PRORP: variants seen among roughly 807,000 people sequenced by gnomAD.
PRORP encodes the protein protein only RNase P catalytic subunit, also known as mitochondrial ribonuclease P catalytic subunit.
PRORP carries 51 observed loss-of-function variants against 59.4 expected under a neutral mutation model. The ratio of observed to expected loss-of-function variants is 0.86; its 90% CI spans 0.69 to 1.08. PRORP has a LOEUF of 1.08. Among genes scored for constraint, PRORP ranks in the 50% least tolerant of loss-of-function variants. The probability of loss-of-function intolerance (pLI) is 0.00; values close to 1 mark genes in which losing one functional copy is unlikely to be tolerated. For missense variants in PRORP, 646 were observed against 690.3 expected, an observed-to-expected ratio of 0.94 and a Z score of 0.72; for synonymous variants, 231 against 245.6, an observed-to-expected ratio of 0.94 and a Z score of 0.55.
chr14:35,213,421 G>A (rs2049502901), intron 5 of PRORP, among the ~76,000 whole-genome samples: 1 of 151,846 alleles, frequency 6.6e-6, no homozygotes, highest in African/African-American at 2.4e-5. Flanking sequence ...GTGAGATCCT[G>A]TCTCCTTAAA....
At chr14:35,244,976 T>C (rs1306513096) in intron 5 of PRORP, among the ~76,000 whole-genome samples, 17 of 152,214 alleles carry the variant, frequency 1.1e-4, no homozygotes, top group Non-Finnish European at 1.5e-4. Context: ...GAAGATAAGC[T>C]GAGCAAGGTC....
rs189562210 is a variant in PRORP, at chr14:35,132,926, T to A, written c.1167+5315T>A. ...TTTTTTGTTTTGTTTTGTTTTGTTT[T>A]GTTTTGTTTTTTTGAGACGGAGTGT... On this transcript the variant is annotated intron_variant, in intron 4 of 7. Coordinates refer to ENST00000534898, the MANE Select transcript of PRORP (RefSeq NM_014672.4). 2.0e-5 allele frequency among the ~76,000 whole-genome samples: 3 copies of A among 152,194 alleles called. No individual in the cohort carries two copies. The East Asian group carries it at 5.8e-4, about 29-fold the overall frequency.
chr14:35,137,293 G>C lies in PRORP; in HGVS notation c.1167+9682G>C, dbSNP rs1453985445. 1.4e-5 allele frequency among the ~76,000 whole-genome samples: 2 copies of C among 145,288 alleles called. 1 individual carries two copies. The highest frequency in any genetic ancestry group is 3.1e-5 in the Non-Finnish European group (2 of 65,464). On this transcript the variant is annotated intron_variant, in intron 4 of 7. Transcript: ENST00000534898. ...AGAGATAAAAAATATTGAGTATACA[G>C]GATATGTAGGAGAGAAAAAGGAATA...
intron 5 of PRORP, among the ~76,000 whole-genome samples, chr14:35,233,340 A>G (rs2050130743): frequency 6.7e-6 from 1 of 150,122 alleles, no homozygotes; most frequent in Non-Finnish European, 1.5e-5. Flanking sequence ...TGTCTCTAGA[A>G]TTGTTGTAGA....
chr14:35,125,885 G>A (rs753374690), intron 2 of PRORP, among the ~76,000 whole-genome samples: 3 of 152,286 alleles, frequency 2.0e-5, no homozygotes, highest in Middle Eastern at 3.4e-3. Flanking sequence ...TTGGCATGGC[G>A]GTGTGTGCCG....
At chr14:35,238,433 A>C (rs576107716) in intron 5 of PRORP, among the ~76,000 whole-genome samples, 93 of 152,332 alleles carry the variant, frequency 6.1e-4, no homozygotes, top group African/African-American at 2.1e-3. Context: ...AAAATGACAC[A>C]AAGAAAGCCA....
rs924057372 is a variant in PRORP, at chr14:35,220,594, A to G, written c.1275+39817A>G. On this transcript the variant is annotated intron_variant, in intron 5 of 7. Transcript: ENST00000534898. The stretch of plus-strand genomic sequence containing the variant: ...GATGGAAATGTAATGAATCCCCTCC[A>G]GGAGGGTTGGGAGCAAACAAAAAAG... Among the ~76,000 whole-genome samples, 3 of 151,926 alleles carry G rather than the reference A, an allele frequency of 2.0e-5. No homozygotes were observed. In the South Asian group the frequency reaches 6.3e-4, roughly 32 times the overall value.
At chr14:35,173,619 C>T (rs2048372365) in intron 4 of PRORP, among the ~76,000 whole-genome samples, 1 of 152,100 alleles carries the variant, frequency 6.6e-6, no homozygotes, top group Admixed American at 6.6e-5. Context: ...GTAAGTTCTG[C>T]AGCTTTCTGC....
chr14:35,149,587 T>C (rs1333733973), intron 4 of PRORP, among the ~76,000 whole-genome samples: 1 of 152,168 alleles, frequency 6.6e-6, no homozygotes, highest in Non-Finnish European at 1.5e-5. Context: ...CCTCCAACTT[T>C]TCTTCTACGG....
At position 35,240,198 on chromosome 14, in the gene PRORP, G is replaced by C. The variant is rs552154264; in HGVS notation, c.1276-26529G>C. On this transcript the variant is annotated intron_variant, in intron 5 of 7. Coordinates refer to ENST00000534898, the MANE Select transcript of PRORP (RefSeq NM_014672.4). ...TTTCACTACCACCAAAGTTATGCCA[G>C]TTTCCTTGCATTCTGCATATACACA... Among the ~76,000 whole-genome samples the C allele has an allele frequency of 5.3e-5, 8 of 151,344 alleles. 3 individuals are homozygous for C. Among genetic ancestry groups the C allele is most frequent in the African/African-American group, 1.9e-4 (8 of 41,300 alleles).
chr14:35,170,740 T>C (rs1448392642), intron 4 of PRORP, among the ~76,000 whole-genome samples: 1 of 152,166 alleles, frequency 6.6e-6, no homozygotes, highest in Non-Finnish European at 1.5e-5. Flanking sequence ...ATCTTTACCA[T>C]TTTATTTTTG....
At chr14:35,229,811 AT>A (rs2050027404) in intron 5 of PRORP, among the ~76,000 whole-genome samples, 1 of 152,172 alleles carries the variant, frequency 6.6e-6, no homozygotes, top group Non-Finnish European at 1.5e-5. Context: ...TTTTCAAACA[AT>A]CACAAGCTTT....
At chr14:35,273,414 G>C (rs2051245461) in intron 7 of PRORP, 21 bp from the exon 8 acceptor site, 3 of 1,594,038 alleles carry the variant, frequency 1.9e-6, no homozygotes, top group South Asian at 1.1e-5. Context: ...TCAATGTTTT[G>C]TTCTCTTTTT....
intron 5 of PRORP, among the ~76,000 whole-genome samples, chr14:35,249,946 T>A (rs755357505): frequency 1.3e-5 from 2 of 152,078 alleles, no homozygotes; most frequent in Non-Finnish European, 2.9e-5. Context: ...CACACTCACA[T>A]GGTTTTATCC....
At position 35,153,393 on chromosome 14, in the gene PRORP, AGGGAGACCGTGGG is replaced by A. The variant is rs1307862425; in HGVS notation, c.1167+25784_1167+25796del. Among the ~76,000 whole-genome samples the A allele has an allele frequency of 2.7e-3, 283 of 104,446 alleles. 1 individual carries two copies. Among genetic ancestry groups the A allele is most frequent in the African/African-American group, 8.9e-3 (258 of 28,914 alleles). The allele number at this position is 104,446 out of a possible 152,430, so 68.5% of individuals were successfully genotyped here. ...AGGGAGACGGTGGAAAGAGAGGGAG[AGGGAGACCGTGGG>A]GAGAGAGGGATCTCTAATTTTTGTG... On this transcript the variant is annotated intron_variant, in intron 4 of 7. Transcript: ENST00000534898.
chr14:35,239,249 T>C (rs1333339720), intron 5 of PRORP, among the ~76,000 whole-genome samples: 1 of 151,592 alleles, frequency 6.6e-6, no homozygotes, highest in Non-Finnish European at 1.5e-5. Flanking sequence ...TCCCAGCGAC[T>C]TGGGAGGCTG....
intron 5 of PRORP, among the ~76,000 whole-genome samples, chr14:35,242,182 A>G (rs530546297): frequency 1.1e-4 from 17 of 152,380 alleles, no homozygotes; most frequent in Non-Finnish European, 2.2e-4. Flanking sequence ...ATCTTATGAT[A>G]GAAAGATCTA....
intron 5 of PRORP, among the ~76,000 whole-genome samples, chr14:35,199,745 G>A (rs2415275): frequency 0.34 from 52,283 of 152,086 alleles, 10,667 homozygotes; most frequent in East Asian, 0.69. Context: ...GACTGAGACC[G>A]TAGTATTTCT....
intron 5 of PRORP, chr14:35,263,040 C>T (rs1444346401): frequency 1.9e-6 from 3 of 1,557,634 alleles, no homozygotes; most frequent in Non-Finnish European, 2.6e-6. Flanking sequence ...TGAATAAGAT[C>T]TAAGAGTTGT....
Sources: gnomAD v4.1 joint callset for allele counts (sites outside exome capture counted in the v4.1 genomes callset) on GRCh38, gnomAD v4.1.1 for gene constraint, MANE v1.5 for transcripts, NCBI Gene and HGNC (gene_info 2026-07-23, HGNC 2026-07-21) for gene names.